Variants in GALNTL6 observed in about 807,000 individuals in gnomAD.
The protein encoded by GALNTL6 is polypeptide N-acetylgalactosaminyltransferase like 6, also known as polypeptide N-acetylgalactosaminyltransferase-like 6.
Under a neutral mutation model 73.7 loss-of-function variants are expected in GALNTL6, and 46 were observed. That is an observed-to-expected ratio of 0.62 (90% confidence interval 0.49 to 0.80). The LOEUF is 0.80. GALNTL6 is among the 30% of genes least tolerant of loss of function. GALNTL6 has a pLI of 0.00. For missense variants in GALNTL6, 604 were observed against 755.0 expected (o/e 0.80, Z 2.34); for synonymous variants, 259 against 263.7 (o/e 0.98, Z 0.17).
At chr4:172,853,517 G>A (rs1240369888) in intron 7 of GALNTL6, among the ~76,000 whole-genome samples, 1 of 152,078 alleles carries the variant, frequency 6.6e-6, no homozygotes, top group Non-Finnish European at 1.5e-5. Flanking sequence ...CTCTGCATTT[G>A]GGTGTCCCAG....
chr4:172,336,438 AT>A (rs143454987), intron 4 of GALNTL6, among the ~76,000 whole-genome samples: 25,538 of 136,660 alleles, frequency 0.19, 2,228 homozygotes, highest in East Asian at 0.36. Context: ...TGCCCAGCTA[AT>A]TTTTTTTTTT....
At chr4:172,376,400 T>C (rs906065539) in intron 5 of GALNTL6, among the ~76,000 whole-genome samples, 1 of 152,138 alleles carries the variant, frequency 6.6e-6, no homozygotes, top group African/African-American at 2.4e-5. Flanking sequence ...AACCAACTTG[T>C]TGTCGGCACC....
At chr4:172,593,730 T>G (rs1737743141) in intron 5 of GALNTL6, among the ~76,000 whole-genome samples, 1 of 152,086 alleles carries the variant, frequency 6.6e-6, no homozygotes, top group Non-Finnish European at 1.5e-5. Flanking sequence ...GTTTGTTTTT[T>G]GTTTGTTTTG....
At chr4:172,924,327 G>A (rs1043164909) in intron 8 of GALNTL6, among the ~76,000 whole-genome samples, 1 of 152,132 alleles carries the variant, frequency 6.6e-6, no homozygotes, top group Admixed American at 6.5e-5. Flanking sequence ...GAGGATTCCC[G>A]CACTTCCGGG....
chr4:172,907,252 T>C (rs1746949258), intron 8 of GALNTL6, among the ~76,000 whole-genome samples: 1 of 152,082 alleles, frequency 6.6e-6, no homozygotes, highest in African/African-American at 2.4e-5. Context: ...ATTCTTCAAA[T>C]TGAATATAAA....
At chr4:172,935,173 GC>G (rs1019675499) in intron 9 of GALNTL6, among the ~76,000 whole-genome samples, 63 of 152,182 alleles carry the variant, frequency 4.1e-4, no homozygotes, top group African/African-American at 1.5e-3. Flanking sequence ...GCGCTGCCCT[GC>G]AGACTGTGAG....
At chr4:172,346,691 AT>A (rs1357217085) in intron 4 of GALNTL6, among the ~76,000 whole-genome samples, 4 of 152,186 alleles carry the variant, frequency 2.6e-5, no homozygotes, top group African/African-American at 9.6e-5. Context: ...GATTTTGTTC[AT>A]TGTTTTATCT....
At chr4:171,988,141 A>G (rs1740170206) in intron 2 of GALNTL6, among the ~76,000 whole-genome samples, 1 of 152,194 alleles carries the variant, frequency 6.6e-6, no homozygotes, top group African/African-American at 2.4e-5. Flanking sequence ...GGGCTAGGCT[A>G]AAACAGTAGG....
At chr4:172,169,818 A>G (rs1269695060) in intron 2 of GALNTL6, among the ~76,000 whole-genome samples, 1 of 152,228 alleles carries the variant, frequency 6.6e-6, no homozygotes, top group Non-Finnish European at 1.5e-5. Flanking sequence ...CTCTCTGATA[A>G]TAATCACAAG....
intron 2 of GALNTL6, among the ~76,000 whole-genome samples, chr4:172,204,496 G>A (rs1736049328): frequency 1.3e-5 from 2 of 152,132 alleles, no homozygotes; most frequent in South Asian, 4.1e-4. Context: ...AGGTAATAAT[G>A]TCTTTTATCT....
chr4:172,779,792 C>T (rs1739279642), intron 5 of GALNTL6, among the ~76,000 whole-genome samples: 1 of 152,166 alleles, frequency 6.6e-6, no homozygotes, highest in Non-Finnish European at 1.5e-5. Flanking sequence ...TTCAAACAAT[C>T]TCTGAGTGGT....
chr4:172,757,471 G>A (rs1422525014), intron 5 of GALNTL6, among the ~76,000 whole-genome samples: 2 of 152,140 alleles, frequency 1.3e-5, no homozygotes, highest in African/African-American at 4.8e-5. Flanking sequence ...CCATTTTACT[G>A]GTGAGGAAAC....
intron 5 of GALNTL6, chr4:172,669,111 T>C (rs1650430981): frequency 6.6e-6 from 1 of 152,228 alleles, no homozygotes; most frequent in Non-Finnish European, 1.5e-5. Context: ...TGTTGGATTA[T>C]CTGTTATTTA....
chr4:171,821,123 T>A (rs1734667700), intron 2 of GALNTL6, among the ~76,000 whole-genome samples: 1 of 151,958 alleles, frequency 6.6e-6, no homozygotes, highest in South Asian at 2.1e-4. Flanking sequence ...GCAGCCTCAG[T>A]CTCCTGGGCT....
intron 5 of GALNTL6, among the ~76,000 whole-genome samples, chr4:172,408,589 C>T (rs942820363): frequency 1.3e-5 from 2 of 151,458 alleles, no homozygotes; most frequent in Non-Finnish European, 2.9e-5. Flanking sequence ...TGCCTTCCCT[C>T]TGCTGTTCTT....
intron 2 of GALNTL6, among the ~76,000 whole-genome samples, chr4:171,877,885 G>A (rs773601207): frequency 5.9e-5 from 9 of 152,204 alleles, no homozygotes; most frequent in Non-Finnish European, 8.8e-5. Flanking sequence ...CTGCAAATTA[G>A]ACATTGTAAG....
intron 2 of GALNTL6, among the ~76,000 whole-genome samples, chr4:171,830,871 A>G (rs10013779): frequency 0.29 from 44,221 of 152,034 alleles, 7,634 homozygotes; most frequent in African/African-American, 0.49. Flanking sequence ...TCTGTTGTAT[A>G]ACATTTACTA....
At chr4:172,212,438 C>T (rs1162958168) in intron 2 of GALNTL6, among the ~76,000 whole-genome samples, 1 of 152,180 alleles carries the variant, frequency 6.6e-6, no homozygotes. Flanking sequence ...AGATTAGAGG[C>T]ATGAGTTACC....
intron 2 of GALNTL6, among the ~76,000 whole-genome samples, chr4:171,978,514 G>A (rs1739787900): frequency 6.6e-6 from 1 of 152,122 alleles, no homozygotes; most frequent in African/African-American, 2.4e-5. Context: ...CTCCACATGA[G>A]GGGCTAATTA....
Sources: allele counts gnomAD v4.1 joint callset (sites outside exome capture counted in the v4.1 genomes callset), GRCh38; gene constraint gnomAD v4.1.1; transcripts MANE v1.5; gene names NCBI Gene and HGNC (gene_info 2026-07-23, HGNC 2026-07-21).